Variants in ABCA12 observed in about 807,000 individuals in gnomAD.
ABCA12 encodes the protein glucosylceramide transporter ABCA12.
ABCA12 carries 156 observed loss-of-function variants against 293.5 expected under a neutral mutation model. The ratio of observed to expected loss-of-function variants is 0.53; its 90% CI spans 0.47 to 0.61. ABCA12 has a LOEUF of 0.61. Ranked by LOEUF, ABCA12 falls within the 20% of genes least tolerant of loss-of-function variation. ABCA12 has a pLI of 0.00. For missense variants in ABCA12, 2,797 were observed against 3,090.2 expected (o/e 0.91, Z 2.25); for synonymous variants, 1,063 against 1,108.0 (o/e 0.96, Z 0.81).
chr2:215,049,646 G>A lies in ABCA12; in HGVS notation c.673C>T (p.Leu225=). 6.2e-7 allele frequency: 1 copy of A among 1,613,352 alleles called. No homozygotes were observed. The highest frequency in any genetic ancestry group is 8.5e-7 in the Non-Finnish European group (1 of 1,179,560). Residue 225 remains leucine (L), a synonymous_variant, in exon 6 of 53, where the codon CTA becomes TTA. Transcript: ENST00000272895. ...MTLLESSLQE[L]NKQFSQLSSD... is the part of the protein sequence containing the mutation. ...CTCACCTGGGAGAACTGTTTGTTTAGTTCTTGGAGAGAAGACTCTAAAAGG... is the reference window on the plus strand; with the variant it reads ...CTCACCTGGGAGAACTGTTTGTTTAATTCTTGGAGAGAAGACTCTAAAAGG...
intron 2 of ABCA12, among the ~76,000 whole-genome samples, chr2:215,073,417 G>C (rs527255293): frequency 7.9e-5 from 12 of 152,014 alleles, no homozygotes; most frequent in African/African-American, 2.4e-4. Flanking sequence ...CTTAGATGCG[G>C]CTAACCAGGA....
At chr2:215,137,939 G>C (rs80022566) in intron 1 of ABCA12, among the ~76,000 whole-genome samples, 5,073 of 151,962 alleles carry the variant, frequency 0.033, 127 homozygotes, top group African/African-American at 0.062. Context: ...TTACTGAAAT[G>C]AAAAGGCTGC....
At chr2:215,071,740 A>G (rs1378928443) in intron 2 of ABCA12, among the ~76,000 whole-genome samples, 2 of 152,200 alleles carry the variant, frequency 1.3e-5, no homozygotes, top group Non-Finnish European at 2.9e-5. Flanking sequence ...TGGAACCATG[A>G]GTTACCATTG....
intron 1 of ABCA12, among the ~76,000 whole-genome samples, chr2:215,125,286 G>A (rs1033423602): frequency 1.3e-5 from 2 of 151,810 alleles, no homozygotes; most frequent in East Asian, 1.9e-4. Flanking sequence ...GGCTATGTGG[G>A]CTTTTTGGTT....
intron 1 of ABCA12, among the ~76,000 whole-genome samples, chr2:215,129,468 C>A (rs776745997): frequency 1.3e-5 from 2 of 152,186 alleles, no homozygotes; most frequent in Non-Finnish European, 2.9e-5. Context: ...ATTTACATTT[C>A]TCTTATGATT....
At chr2:215,113,876 G>A (rs184806042) in intron 1 of ABCA12, among the ~76,000 whole-genome samples, 14 of 152,236 alleles carry the variant, frequency 9.2e-5, no homozygotes, top group Admixed American at 2.6e-4. Flanking sequence ...ATCTTAAAGC[G>A]CTGTTTATAC....
intron 47 of ABCA12, 22 bp from the exon 48 acceptor site, chr2:214,947,578 T>A: frequency 6.2e-7 from 1 of 1,613,040 alleles, no homozygotes; most frequent in South Asian, 1.1e-5. Context: ...AAAAGGGGAG[T>A]TAGGTTGACC....
intron 2 of ABCA12, among the ~76,000 whole-genome samples, chr2:215,100,734 C>T (rs1702341520): frequency 6.6e-6 from 1 of 152,208 alleles, no homozygotes; most frequent in African/African-American, 2.4e-5. Flanking sequence ...GCCCTAGGCA[C>T]ATCCTTGTAG....
chr2:215,072,824 C>T (rs1227653474), intron 2 of ABCA12, among the ~76,000 whole-genome samples: 4 of 152,192 alleles, frequency 2.6e-5, no homozygotes, highest in South Asian at 2.1e-4. Flanking sequence ...TCGCCAGGCG[C>T]GGTGGCTCAC....
chr2:214,984,388 G>A (rs537888867), intron 28 of ABCA12, among the ~76,000 whole-genome samples: 75 of 152,242 alleles, frequency 4.9e-4, no homozygotes, highest in Admixed American at 1.2e-3. Context: ...GAGCCACTGC[G>A]CCCAGCCATG....
intron 13 of ABCA12, among the ~76,000 whole-genome samples, chr2:215,018,782 G>A (rs1172619325): frequency 6.6e-6 from 1 of 152,050 alleles, no homozygotes; most frequent in Non-Finnish European, 1.5e-5. Flanking sequence ...TATCCTTCAT[G>A]CAAATATATC....
chr2:215,012,195 G>C, intron 15 of ABCA12, 60 bp from the exon 16 acceptor site: 1 of 1,512,948 alleles, frequency 6.6e-7, no homozygotes, highest in Non-Finnish European at 9.1e-7. Flanking sequence ...CTCATGCATT[G>C]TTGGTAAGGT....
At chr2:214,997,380 A>C (rs1357029866) in intron 23 of ABCA12, among the ~76,000 whole-genome samples, 1 of 152,176 alleles carries the variant, frequency 6.6e-6, no homozygotes, top group Non-Finnish European at 1.5e-5. Flanking sequence ...GTTGTTATTT[A>C]AACTTCCTCT....
chr2:214,979,135 G>A (rs1699592879), intron 31 of ABCA12, 95 bp from the exon 32 acceptor site: 15 of 1,086,168 alleles, frequency 1.4e-5, no homozygotes, highest in South Asian at 8.8e-5. Context: ...GCTCTTTTAG[G>A]CCACTCCACA....
In ABCA12 at chr2:214,948,600, T is replaced by G. The variant is rs757029106; in HGVS notation, c.7100A>C (p.Lys2367Thr). ...RVHGIPEKDI[K>T]ETVHKLLRRL... ...ATTTTTCACACTTGTACTCACTTCT[T>G]TAATATCCTTTTCTGGAATTCCATG... Residue 2367 changes from lysine to threonine, a missense_variant, in exon 47 of 53, where the codon AAA becomes ACA. Transcript: ENST00000272895. 6.2e-7 allele frequency: 1 copy of G among 1,613,882 alleles called. No homozygotes were observed. Among genetic ancestry groups the G allele is most frequent in the Non-Finnish European group, 8.5e-7 (1 of 1,179,916 alleles).
At chr2:215,118,192 A>C (rs1043856509) in intron 1 of ABCA12, among the ~76,000 whole-genome samples, 1 of 152,186 alleles carries the variant, frequency 6.6e-6, no homozygotes, top group East Asian at 1.9e-4. Context: ...GCTTGAGGTC[A>C]GGAGTTTGAG....
intron 1 of ABCA12, among the ~76,000 whole-genome samples, chr2:215,114,200 C>T (rs979317112): frequency 2.0e-5 from 3 of 152,214 alleles, no homozygotes; most frequent in Non-Finnish European, 4.4e-5. Context: ...GTCTTGATCT[C>T]TTGACCTCAT....
Position 215,007,790 on chromosome 2 carries a change from C to T in ABCA12, c.2529G>A (p.Met843Ile). 15 of 1,614,006 alleles carry T rather than the reference C, an allele frequency of 9.3e-6. No homozygotes were observed. Among genetic ancestry groups the T allele is most frequent in the Non-Finnish European group, 1.3e-5 (15 of 1,179,928 alleles). The change falls in exon 19 of 53, where the codon ATG becomes ATA. Residue 843 changes from methionine to isoleucine, a missense_variant. By Grantham distance (10) the Met-to-Ile change is conservative. Transcript: ENST00000272895. ...AATTCATGAAAAGTGGCGACTTATC[C>T]ATCCACTCTTGAGATTTTTCTCTTA... The part of the protein sequence containing the change: ...AELREKSQEW[M>I]DKSPLFMNSF...
chr2:215,088,414 C>T lies in ABCA12; in HGVS notation c.163+23183G>A, dbSNP rs77745101. 7.6e-3 allele frequency among the ~76,000 whole-genome samples: 1,157 copies of T among 152,188 alleles called. 11 individuals carry two copies. Among genetic ancestry groups the T allele is most frequent in the African/African-American group, 0.026 (1,094 of 41,538 alleles). Reference sequence around the variant, plus strand: ...CTGTTTTGAATGACTCAGTAGAAGACGAATTCATTTCCCACATTAGGCAAC... The same window carrying T: ...CTGTTTTGAATGACTCAGTAGAAGATGAATTCATTTCCCACATTAGGCAAC... On this transcript the variant is annotated intron_variant, in intron 2 of 52. Coordinates refer to ENST00000272895, the MANE Select transcript of ABCA12 (RefSeq NM_173076.3).
Sources: allele counts gnomAD v4.1 joint callset (sites outside exome capture counted in the v4.1 genomes callset), GRCh38; gene constraint gnomAD v4.1.1; transcripts MANE v1.5; gene names NCBI Gene and HGNC (gene_info 2026-07-23, HGNC 2026-07-21).